The following PTPN11 variants were observed in gnomAD, a reference collection of about 807,000 sequenced individuals.
PTPN11 encodes tyrosine-protein phosphatase non-receptor type 11.
A neutral mutation model predicts 78.8 loss-of-function variants in PTPN11; 6 were observed. That is an observed-to-expected ratio of 0.08 (90% confidence interval 0.04 to 0.15). The LOEUF is 0.15. PTPN11 is among the 10% of genes least tolerant of loss of function. The pLI, the probability that PTPN11 is intolerant of heterozygous loss-of-function variation, is 1.00. For missense variants in PTPN11, 386 were observed against 744.8 expected, an observed-to-expected ratio of 0.52 and a Z score of 5.61; for synonymous variants, 221 against 263.5, an observed-to-expected ratio of 0.84 and a Z score of 1.56.
chr12:112,437,828 A>G (rs1478695918), intron 1 of PTPN11, among the ~76,000 whole-genome samples: 1 of 152,040 alleles, frequency 6.6e-6, no homozygotes, highest in Non-Finnish European at 1.5e-5. Context: ...CTTATTTTTA[A>G]TCAGGTAGCC....
At chr12:112,445,357 C>A (rs1014600395) in intron 1 of PTPN11, among the ~76,000 whole-genome samples, 5 of 152,180 alleles carry the variant, frequency 3.3e-5, no homozygotes, top group Non-Finnish European at 5.9e-5. Flanking sequence ...GTCTTGAACT[C>A]CTGACGTCAA....
chr12:112,478,975 C>G (rs749604696), intron 9 of PTPN11, among the ~76,000 whole-genome samples: 2 of 152,100 alleles, frequency 1.3e-5, no homozygotes, highest in Non-Finnish European at 2.9e-5. Flanking sequence ...CTTAGGTGAT[C>G]CACCTTCCTT....
intron 13 of PTPN11, among the ~76,000 whole-genome samples, chr12:112,493,290 C>G (rs1829330912): frequency 6.6e-6 from 1 of 152,040 alleles, no homozygotes; most frequent in Non-Finnish European, 1.5e-5. Context: ...AACTCCTGAC[C>G]TCAAATGATC....
At chr12:112,439,938 A>G (rs1338508500) in intron 1 of PTPN11, among the ~76,000 whole-genome samples, 1 of 152,156 alleles carries the variant, frequency 6.6e-6, no homozygotes, top group Non-Finnish European at 1.5e-5. Context: ...CAGTTGCCAC[A>G]CCCAATTAAC....
chr12:112,453,305 T>C lies in PTPN11; in HGVS notation c.443T>C (p.Val148Ala). 6.2e-7 allele frequency: 1 copy of C among 1,614,104 alleles called. No individual in the cohort carries two copies. The highest frequency in any genetic ancestry group is 8.5e-7 in the Non-Finnish European group (1 of 1,180,024). Residue 148 changes from valine to alanine, a missense_variant, in exon 4 of 16, where the codon GTT (valine) becomes GCT (alanine). This residue lies in a region of PTPN11 where 279 missense variants were observed against 503.3 expected (regional missense o/e 0.55). Coordinates refer to ENST00000351677, the MANE Select transcript of PTPN11 (RefSeq NM_002834.5). ...AGCCAGAGCCACCCTGGAGATTTTGTTCTTTCTGTGCGCACTGGTGATGAC... is the reference window on the plus strand; with the variant it reads ...AGCCAGAGCCACCCTGGAGATTTTGCTCTTTCTGTGCGCACTGGTGATGAC... ...RESQSHPGDF[V>A]LSVRTGDDKG...
At chr12:112,432,855 C>T (rs2037733910) in intron 1 of PTPN11, among the ~76,000 whole-genome samples, 1 of 151,550 alleles carries the variant, frequency 6.6e-6, no homozygotes, top group African/African-American at 2.4e-5. Flanking sequence ...TATAGACATA[C>T]CATTTTTAAC....
intron 6 of PTPN11, among the ~76,000 whole-genome samples, chr12:112,463,272 G>C (rs977060598): frequency 1.3e-5 from 2 of 151,816 alleles, no homozygotes; most frequent in Non-Finnish European, 2.9e-5. Context: ...AAAGAGACAG[G>C]GTCTTGCTAT....
chr12:112,450,772 G>A (rs1484944226), intron 3 of PTPN11, among the ~76,000 whole-genome samples: 2 of 152,138 alleles, frequency 1.3e-5, no homozygotes, highest in African/African-American at 2.4e-5. Flanking sequence ...TACTTGGTAC[G>A]TGTATTAGTT....
chr12:112,487,227 C>T (rs1027892674), intron 11 of PTPN11, among the ~76,000 whole-genome samples: 1 of 151,666 alleles, frequency 6.6e-6, no homozygotes, highest in African/African-American at 2.4e-5. Flanking sequence ...CTCCGCCTCC[C>T]GGGTTCAGGC....
chr12:112,459,954 G>GT (rs1016732063), intron 6 of PTPN11, among the ~76,000 whole-genome samples: 2 of 150,946 alleles, frequency 1.3e-5, no homozygotes, highest in Non-Finnish European at 1.5e-5. Flanking sequence ...TGCAATTTGT[G>GT]TTTTTTTCTT....
intron 10 of PTPN11, among the ~76,000 whole-genome samples, chr12:112,486,010 T>TATAAA: frequency 6.7e-6 from 1 of 149,458 alleles, no homozygotes; most frequent in East Asian, 2.0e-4. Flanking sequence ...AATGATACTA[T>TATAAA]AGTCTGTGTT....
At chr12:112,475,036 A>G (rs1046758005) in intron 7 of PTPN11, among the ~76,000 whole-genome samples, 5 of 152,356 alleles carry the variant, frequency 3.3e-5, no homozygotes, top group South Asian at 4.1e-4. Context: ...CAGAAACTGC[A>G]CTAAACCAGT....
chr12:112,454,689 A>T lies in PTPN11; in HGVS notation c.642+9A>T, dbSNP rs2038127688. On this transcript the variant is annotated intron_variant, in intron 5 of 15. Coordinates refer to ENST00000351677, the MANE Select transcript of PTPN11 (RefSeq NM_002834.5). ...TACTACAACTCAAGCAGGTGAGCAG[A>T]TTGGAAAGCTCAAGCTTTCTCCTTA... 1.3e-6 allele frequency: 2 copies of T among 1,586,450 alleles called. No individual in the cohort carries two copies. The highest frequency in any genetic ancestry group is 1.7e-6 in the Non-Finnish European group (2 of 1,155,016).
intron 3 of PTPN11, 86 bp from the exon 4 acceptor site, chr12:112,453,109 G>C: frequency 8.8e-7 from 1 of 1,142,136 alleles, no homozygotes; most frequent in Non-Finnish European, 1.3e-6. Context: ...GTGTTTAGGA[G>C]AGCTGACTGT....
chr12:112,464,548 A>G (rs761295611), intron 6 of PTPN11, among the ~76,000 whole-genome samples: 4 of 151,742 alleles, frequency 2.6e-5, no homozygotes, highest in Non-Finnish European at 5.9e-5. Context: ...TCAGCCACCC[A>G]GGTAGCTGGG....
At chr12:112,467,737 C>T (rs11612981) in intron 6 of PTPN11, among the ~76,000 whole-genome samples, 13,161 of 152,130 alleles carry the variant, frequency 0.087, 791 homozygotes, top group South Asian at 0.31. Context: ...TCAAGTAATC[C>T]GCCTGCCTCG....
Position 112,453,345 on chromosome 12 carries a change from T to C in PTPN11, c.483T>C (p.Asn161=), listed in dbSNP as rs1224553141. 1.9e-6 allele frequency: 3 copies of C among 1,614,134 alleles called. No individual in the cohort carries two copies. The highest frequency in any genetic ancestry group is 2.5e-6 in the Non-Finnish European group (3 of 1,180,040). The change falls in exon 4 of 16, where the codon AAT becomes AAC. Residue 161 remains asparagine, a synonymous_variant. Transcript: ENST00000351677. ...VRTGDDKGES[N]DGKSKVTHVM... ...CTGGTGATGACAAAGGGGAGAGCAATGACGGCAAGTCTAAAGTGACCCATG... is the reference window on the plus strand; with the variant it reads ...CTGGTGATGACAAAGGGGAGAGCAACGACGGCAAGTCTAAAGTGACCCATG...
At chr12:112,495,390 C>G (rs1475561056) in intron 13 of PTPN11, among the ~76,000 whole-genome samples, 1 of 152,172 alleles carries the variant, frequency 6.6e-6, no homozygotes, top group African/African-American at 2.4e-5. Flanking sequence ...GAGTACTGGT[C>G]AGATATCTTG....
Position 112,453,254 on chromosome 12 carries a change from A to G in PTPN11, c.392A>G (p.Lys131Arg), listed in dbSNP as rs397516805. The stretch of plus-strand genomic sequence containing the variant: ...GAGAAATTATTAACTGAAAAAGGAA[A>G]ACATGGTAGTTTTCTTGTACGAGAG... Reference protein sequence around the residue: ...EAEKLLTEKGKHGSFLVRESQ... With the variant: ...EAEKLLTEKGRHGSFLVRESQ... Residue 131 changes from lysine (K) to arginine (R), a missense_variant, in exon 4 of 16, where the codon AAA (lysine) becomes AGA (arginine). Physicochemically the swap from Lys to Arg is conservative, Grantham distance 26. Around this residue, in one of 3 missense-constraint regions of PTPN11, gnomAD observed 279 missense variants for 503.3 expected, o/e 0.55. Transcript: ENST00000351677. 3.3e-5 allele frequency: 53 copies of G among 1,613,346 alleles called. No individual in the cohort carries two copies. The highest frequency in any genetic ancestry group is 3.1e-4 in the East Asian group (14 of 44,898).
Sources: allele counts gnomAD v4.1 joint callset (sites outside exome capture counted in the v4.1 genomes callset), GRCh38; gene constraint gnomAD v4.1.1; regional missense constraint gnomAD v4.1.1; transcripts MANE v1.5; gene names NCBI Gene and HGNC (gene_info 2026-07-23, HGNC 2026-07-21).